SYK: variants seen among roughly 807,000 people sequenced by gnomAD.
The protein encoded by SYK is spleen associated tyrosine kinase.
In SYK, 16 loss-of-function variants were observed where a neutral mutation model predicts 77.8. The ratio of observed to expected loss-of-function variants is 0.21; its 90% CI spans 0.14 to 0.31. The LOEUF (loss-of-function observed/expected upper bound fraction) is 0.31, where lower values mean the gene tolerates loss of function less well. Among genes scored for constraint, SYK ranks in the 10% least tolerant of loss-of-function variants. The pLI is 1.00. For synonymous variants in SYK, 312 were observed against 308.7 expected (o/e 1.01, Z -0.11); for missense variants, 529 against 814.4 (o/e 0.65, Z 4.26).
intron 2 of SYK, 134 bp from the exon 3 acceptor site, chr9:90,845,300 T>G: frequency 1.1e-6 from 1 of 912,208 alleles, no homozygotes. Flanking sequence ...CTGGTTTTAT[T>G]TACTGAATGA....
intron 1 of SYK, among the ~76,000 whole-genome samples, chr9:90,832,000 T>G (rs1437584374): frequency 6.6e-6 from 1 of 152,232 alleles, no homozygotes; most frequent in Non-Finnish European, 1.5e-5. Flanking sequence ...ATTGTGCTGT[T>G]GACCATGAGT....
chr9:90,849,310 T>G (rs998990318), intron 3 of SYK, among the ~76,000 whole-genome samples: 4 of 152,168 alleles, frequency 2.6e-5, no homozygotes, highest in Middle Eastern at 6.3e-3. Context: ...TCAGTTTGTC[T>G]CCGCTCTGAT....
At chr9:90,873,476 A>G (rs781777154) in intron 7 of SYK, among the ~76,000 whole-genome samples, 3 of 152,188 alleles carry the variant, frequency 2.0e-5, no homozygotes, top group African/African-American at 7.2e-5. Context: ...GAAAGTCCTT[A>G]GGATAATGAG....
intron 3 of SYK, 136 bp downstream of exon 3, chr9:90,845,730 TG>T: frequency 1.0e-6 from 1 of 993,050 alleles, no homozygotes; most frequent in Non-Finnish European, 1.5e-6. Context: ...ACATGCATGC[TG>T]GCCTGTTCTA....
intron 11 of SYK, among the ~76,000 whole-genome samples, chr9:90,886,324 G>A (rs1235422086): frequency 6.6e-6 from 1 of 152,286 alleles, no homozygotes; most frequent in African/African-American, 2.4e-5. Context: ...ATGCTTTGCA[G>A]ATGCAGGAAA....
chr9:90,883,417 C>A (rs1828233047), intron 11 of SYK, among the ~76,000 whole-genome samples: 1 of 152,096 alleles, frequency 6.6e-6, no homozygotes, highest in Admixed American at 6.5e-5. Flanking sequence ...AGGCCAGGCA[C>A]TTTCACATGC....
At chr9:90,885,418 A>G (rs542664979) in intron 11 of SYK, among the ~76,000 whole-genome samples, 1 of 152,338 alleles carries the variant, frequency 6.6e-6, no homozygotes, top group East Asian at 1.9e-4. Context: ...AATAGACTAG[A>G]TCAGGCAAAA....
Position 90,855,343 on chromosome 9 carries a change from G to A in SYK, c.579-6863G>A, listed in dbSNP as rs1024886416. Among the ~76,000 whole-genome samples the A allele has an allele frequency of 3.9e-5, 6 of 152,270 alleles. 1 individual carries two copies. The South Asian group carries it at 6.2e-4, about 16-fold the overall frequency. ...AAGCCACCTGCTGGGGAGGGGAGGT[G>A]AAGGGTGTGAGCATTGGTGAGAGGT... is the stretch of plus-strand genomic sequence containing the variant. On this transcript the variant is annotated intron_variant, in intron 3 of 13. Transcript: ENST00000375754.
chr9:90,837,639 T>C (rs1191211812), intron 1 of SYK, among the ~76,000 whole-genome samples: 1 of 152,118 alleles, frequency 6.6e-6, no homozygotes, highest in Non-Finnish European at 1.5e-5. Flanking sequence ...AGAGGTTCCT[T>C]GTGAGCCTCA....
In SYK at chr9:90,862,335, G is replaced by T. The variant is rs200087795; in HGVS notation, c.708G>T (p.Thr236=). 7 of 1,613,596 alleles carry T rather than the reference G, an allele frequency of 4.3e-6. No homozygotes were observed. The highest frequency in any genetic ancestry group is 5.1e-6 in the Non-Finnish European group (6 of 1,179,748). ...TCCCCGAGGGAAAGAAGTTCGACAC[G>T]CTCTGGCAGGTACCCAGCCTCCTCT... ...LSIPEGKKFD[T]LWQLVEHYSY... The change falls in exon 4 of 14, where the codon ACG becomes ACT. Residue 236 remains threonine (T), a synonymous_variant. Coordinates refer to ENST00000375754, the MANE Select transcript of SYK (RefSeq NM_003177.7).
In SYK at chr9:90,877,787, T is replaced by C. The variant is rs776012581; in HGVS notation, c.1391+7T>C. ...AGTATTTGCAGCAGAACAGGTATTG[T>C]CAGGTGCCCCCACACATCTGGAAGC... is the stretch of plus-strand genomic sequence containing the variant. On this transcript the variant is annotated splice_region_variant and intron_variant, in intron 10 of 13. Coordinates refer to ENST00000375754, the MANE Select transcript of SYK (RefSeq NM_003177.7). 1 of 1,613,906 alleles carries C rather than the reference T, an allele frequency of 6.2e-7. No homozygotes were observed. Among genetic ancestry groups the C allele is most frequent in the South Asian group, 1.1e-5 (1 of 91,042 alleles).
chr9:90,877,514 T>C (rs1435733980), intron 9 of SYK, 57 bp from the exon 10 acceptor site: 1 of 1,572,532 alleles, frequency 6.4e-7, no homozygotes. Context: ...CAGGATAAGA[T>C]TATCTAGAAG....
intron 3 of SYK, among the ~76,000 whole-genome samples, chr9:90,846,751 G>A (rs1826612726): frequency 1.3e-5 from 2 of 151,752 alleles, no homozygotes; most frequent in Non-Finnish European, 2.9e-5. Context: ...TTGCCACGCG[G>A]CAGTGCCTAG....
intron 3 of SYK, among the ~76,000 whole-genome samples, chr9:90,860,590 A>C (rs1463345524): frequency 6.6e-6 from 1 of 152,166 alleles, no homozygotes; most frequent in Non-Finnish European, 1.5e-5. Context: ...GTTTCAGCAC[A>C]GCCACCTGCT....
Position 90,895,620 on chromosome 9 carries a change from TG to T in SYK, c.*22del. ...AACTAACCGCTCCCGCACCTGTCGG[TG>T]GCTGCCTTTGATCACAGGAGCAATC... On this transcript the variant is annotated 3_prime_UTR_variant, in exon 14 of 14. Coordinates refer to ENST00000375754, the MANE Select transcript of SYK (RefSeq NM_003177.7). This position sits in a 1 kb window ranked among gnomAD's most constrained non-coding sequence, Gnocchi z 4.4. The T allele has an allele frequency of 6.2e-7, 1 of 1,610,800 alleles. No homozygotes were observed. The highest frequency in any genetic ancestry group is 1.1e-5 in the South Asian group (1 of 91,034).
intron 1 of SYK, among the ~76,000 whole-genome samples, chr9:90,833,587 G>A (rs1380322135): frequency 6.6e-6 from 1 of 152,180 alleles, no homozygotes; most frequent in Admixed American, 6.5e-5. Context: ...GAGCATCTGT[G>A]CCTAATCTTC....
chr9:90,884,364 TAC>T (rs1828336344), intron 11 of SYK, among the ~76,000 whole-genome samples: 2 of 148,428 alleles, frequency 1.3e-5, no homozygotes, highest in African/African-American at 2.5e-5. Flanking sequence ...CGTGTATACA[TAC>T]ATACACACAT....
rs138516770 is a variant in SYK at position 90,884,216 on chromosome 9, CGCAT to C, written c.1582-3532_1582-3529del. ...ACATACACATACGTGTATATATACA[CGCAT>C]ATACACATACACATACGTGTATATA... On this transcript the variant is annotated intron_variant, in intron 11 of 13. Transcript: ENST00000375754. Among the ~76,000 whole-genome samples the C allele has an allele frequency of 1.6e-3, 82 of 51,202 alleles. 2 individuals are homozygous for C. The highest frequency in any genetic ancestry group is 5.1e-3 in the African/African-American group (48 of 9,324). 33.6% of individuals were successfully genotyped at this position (51,202 alleles called of 152,430 possible). A position where few individuals can be genotyped will look rare whatever the true frequency, so the allele number is the denominator to read the frequency against.
intron 11 of SYK, among the ~76,000 whole-genome samples, chr9:90,886,536 T>C (rs1053833900): frequency 3.9e-5 from 6 of 152,092 alleles, no homozygotes; most frequent in Non-Finnish European, 8.8e-5. Context: ...AAACCCTGTC[T>C]CTACTAAAAA....
Sources: gnomAD v4.1 joint callset for allele counts (sites outside exome capture counted in the v4.1 genomes callset) on GRCh38, gnomAD v4.1.1 for gene constraint, Gnocchi (gnomAD v3.1) non-coding constraint, MANE v1.5 for transcripts, NCBI Gene and HGNC (gene_info 2026-07-23, HGNC 2026-07-21) for gene names.